Variants in PUS10 observed in about 807,000 individuals in gnomAD.
PUS10 encodes tRNA pseudouridine synthase Pus10.
A neutral mutation model predicts 75.0 loss-of-function variants in PUS10; 59 were observed. The observed-to-expected ratio is 0.79, with a 90% confidence interval of 0.64 to 0.98. The LOEUF (loss-of-function observed/expected upper bound fraction) is 0.98. Among genes scored for constraint, PUS10 ranks in the 50% least tolerant of loss-of-function variants. The pLI is 0.00. For missense variants in PUS10, 650 were observed against 614.4 expected (o/e 1.06, Z -0.61); for synonymous variants, 219 against 211.6 (o/e 1.03, Z -0.30).
chr2:60,940,548 A>G lies in PUS10; in HGVS notation c.*1847T>C, dbSNP rs950735952. The stretch of plus-strand genomic sequence containing the variant: ...GTCTCAAAATTCTAGGAACATTTGG[A>G]AGAAGTATTTAAAGCTAATGCTTAC... On this transcript the variant is annotated 3_prime_UTR_variant, in exon 18 of 18. Coordinates refer to ENST00000316752, the MANE Select transcript of PUS10 (RefSeq NM_144709.4). 2 of 152,364 alleles carry G rather than the reference A, an allele frequency of 1.3e-5. No homozygotes were observed. Among genetic ancestry groups the G allele is most frequent in the Non-Finnish European group, 2.9e-5 (2 of 68,028 alleles). 9.4% of individuals were successfully genotyped at this position (152,364 alleles called of 1,614,324 possible).
chr2:60,954,983 T>C, intron 12 of PUS10, 35 bp downstream of exon 12: 2 of 1,397,386 alleles, frequency 1.4e-6, no homozygotes, highest in South Asian at 2.6e-5. Context: ...AATCAGAAAG[T>C]TAGTTCTAAT....
At chr2:60,957,496 G>A (rs949094778) in intron 11 of PUS10, among the ~76,000 whole-genome samples, 6 of 152,170 alleles carry the variant, frequency 3.9e-5, no homozygotes, top group African/African-American at 1.2e-4. Flanking sequence ...TACCTGTCAC[G>A]GCCTGTGTAA....
intron 4 of PUS10, among the ~76,000 whole-genome samples, chr2:60,981,633 T>G (rs1677400704): frequency 1.3e-5 from 2 of 152,254 alleles, no homozygotes; most frequent in Non-Finnish European, 2.9e-5. Context: ...AATAAATCCA[T>G]TATGTGTTAA....
chr2:60,951,568 C>T (rs991217618), intron 15 of PUS10, among the ~76,000 whole-genome samples: 4 of 152,114 alleles, frequency 2.6e-5, no homozygotes, highest in African/African-American at 7.2e-5. Flanking sequence ...GTCATTTCCA[C>T]GAGGGTTCGT....
At chr2:60,961,619 G>A (rs897247234) in intron 9 of PUS10, 71 bp from the exon 10 acceptor site, 3 of 1,326,338 alleles carry the variant, frequency 2.3e-6, no homozygotes, top group South Asian at 1.2e-5. Flanking sequence ...AGATGAATCA[G>A]CATTGTCTGA....
chr2:60,996,421 T>G (rs1485896465), intron 4 of PUS10, among the ~76,000 whole-genome samples: 1 of 152,160 alleles, frequency 6.6e-6, no homozygotes, highest in African/African-American at 2.4e-5. Flanking sequence ...ATGTTCTCCT[T>G]AACACAGCAG....
In PUS10 at chr2:61,008,855, A is replaced by G. The variant is rs1466171560; in HGVS notation, c.287T>C (p.Val96Ala). 2 of 1,613,446 alleles carry G rather than the reference A, an allele frequency of 1.2e-6. No homozygotes were observed. The highest frequency in any genetic ancestry group is 1.7e-6 in the Non-Finnish European group (2 of 1,179,632). ...NGEGRISVSH[V>A]GSTASKNSNL... Reference sequence around the variant, plus strand: ...TGAGTTCTTGGAAGCAGTGCTTCCAACATGACTAACAGAGATCCTTCCCTC... The same window carrying G: ...TGAGTTCTTGGAAGCAGTGCTTCCAGCATGACTAACAGAGATCCTTCCCTC... Residue 96 changes from valine (V) to alanine (A), a missense_variant, in exon 3 of 18, where the codon GTT becomes GCT. Transcript: ENST00000316752.
intron 5 of PUS10, among the ~76,000 whole-genome samples, chr2:60,968,232 C>G (rs774967403): frequency 2.0e-5 from 3 of 151,974 alleles, no homozygotes; most frequent in Non-Finnish European, 4.4e-5. Flanking sequence ...TTGGGAAGTC[C>G]CTTTTATAAA....
At position 60,951,851 on chromosome 2, in the gene PUS10, A is replaced by G. The variant is rs377583861; in HGVS notation, c.1308+1146T>C. The stretch of plus-strand genomic sequence containing the variant: ...CTTACCAGAAACCTTTTCCTGTGTC[A>G]ATAAATATTTATCTACCACATAATT... On this transcript the variant is annotated intron_variant, in intron 15 of 17. Coordinates refer to ENST00000316752, the MANE Select transcript of PUS10 (RefSeq NM_144709.4). 3.9e-4 allele frequency among the ~76,000 whole-genome samples: 59 copies of G among 152,332 alleles called. 1 individual carries two copies. In the South Asian group the frequency reaches 0.011, roughly 28 times the overall value.
chr2:61,015,061 T>C (rs1008871719), intron 1 of PUS10, among the ~76,000 whole-genome samples: 1 of 152,170 alleles, frequency 6.6e-6, no homozygotes, highest in African/African-American at 2.4e-5. Context: ...AAATCAGGCT[T>C]GTATGGACAC....
At chr2:60,989,543 A>G (rs1677944740) in intron 4 of PUS10, among the ~76,000 whole-genome samples, 1 of 152,218 alleles carries the variant, frequency 6.6e-6, no homozygotes, top group African/African-American at 2.4e-5. Flanking sequence ...TCACCTGCCC[A>G]AGACCTAAAT....
At chr2:60,979,424 C>G (rs1677244783) in intron 4 of PUS10, among the ~76,000 whole-genome samples, 1 of 152,142 alleles carries the variant, frequency 6.6e-6, no homozygotes, top group South Asian at 2.1e-4. Context: ...CTCCTTGTGT[C>G]TCAGGCGTGG....
chr2:60,970,785 C>T (rs76787970), intron 5 of PUS10, among the ~76,000 whole-genome samples: 3,221 of 152,218 alleles, frequency 0.021, 43 homozygotes, highest in Non-Finnish European at 0.033. Flanking sequence ...TCTATGTTTT[C>T]TATGTCTTAC....
In PUS10 at chr2:61,009,034, A is replaced by T; in HGVS notation, c.127-19T>A. On this transcript the variant is annotated intron_variant, in intron 2 of 17. Coordinates refer to ENST00000316752, the MANE Select transcript of PUS10 (RefSeq NM_144709.4). Reference sequence around the variant, plus strand: ...GCAACTCCTGGAAAGTTAATGAAAGAAAAAGTAATGACCCACTGACAATGT... The same window carrying T: ...GCAACTCCTGGAAAGTTAATGAAAGTAAAAGTAATGACCCACTGACAATGT... The T allele has an allele frequency of 6.3e-7, 1 of 1,598,730 alleles. No homozygotes were observed. Among genetic ancestry groups the T allele is most frequent in the Non-Finnish European group, 8.5e-7 (1 of 1,174,190 alleles).
intron 15 of PUS10, among the ~76,000 whole-genome samples, chr2:60,951,952 C>T (rs1675362687): frequency 6.6e-6 from 1 of 152,190 alleles, no homozygotes; most frequent in Non-Finnish European, 1.5e-5. Context: ...AGTAGGTCAT[C>T]TAGGTTGTTG....
rs759904870 is a variant in PUS10 at position 60,962,799 on chromosome 2, C to T, written c.788+27G>A. On this transcript the variant is annotated intron_variant, in intron 9 of 17. Coordinates refer to ENST00000316752, the MANE Select transcript of PUS10 (RefSeq NM_144709.4). ...CCCTTTATTCTAAAATTTCACGATG[C>T]TTCTTTGTTTCTAAACTTCTACTTA... 2.9e-5 allele frequency: 46 copies of T among 1,573,326 alleles called. No homozygotes were observed. In the Admixed American group the frequency reaches 8.7e-4, roughly 30 times the overall value.
At chr2:61,008,071 T>C (rs1679352614) in intron 3 of PUS10, among the ~76,000 whole-genome samples, 1 of 149,404 alleles carries the variant, frequency 6.7e-6, no homozygotes, top group African/African-American at 2.5e-5. Context: ...AGCGAGACTC[T>C]GTCTCCAAAA....
At chr2:61,004,718 G>A (rs1679094045) in intron 4 of PUS10, among the ~76,000 whole-genome samples, 1 of 151,886 alleles carries the variant, frequency 6.6e-6, no homozygotes, top group Non-Finnish European at 1.5e-5. Context: ...AAGAAACCTG[G>A]GATGTGAAAA....
At position 60,965,461 on chromosome 2, in the gene PUS10, G is replaced by C; in HGVS notation, c.639C>G (p.Val213=). 1.9e-6 allele frequency: 3 copies of C among 1,608,908 alleles called. No individual in the cohort carries two copies. Among genetic ancestry groups the C allele is most frequent in the African/African-American group, 1.3e-5 (1 of 74,660 alleles). Residue 213 remains valine, a synonymous_variant, in exon 7 of 18, where the codon GTC becomes GTG. Coordinates refer to ENST00000316752, the MANE Select transcript of PUS10 (RefSeq NM_144709.4). ...CCTCAACTGTTTCTGGGTGAGCAAA[G>C]ACCACACTCACTTCAAACAAGCTCT... ...DGKSLFEVSV[V]FAHPETVEDC...
Sources: allele counts gnomAD v4.1 joint callset (sites outside exome capture counted in the v4.1 genomes callset), GRCh38; gene constraint gnomAD v4.1.1; transcripts MANE v1.5; gene names NCBI Gene and HGNC (gene_info 2026-07-23, HGNC 2026-07-21).